The following FOXP2 variants were observed in gnomAD, a reference collection of about 807,000 sequenced individuals.
FOXP2 encodes forkhead box P2, also known as forkhead box protein P2.
FOXP2 carries 12 observed loss-of-function variants against 115.8 expected under a neutral mutation model. That is an observed-to-expected ratio of 0.10 (90% CI 0.07 to 0.17). The LOEUF (loss-of-function observed/expected upper bound fraction) is 0.17. FOXP2 is among the 10% of genes least tolerant of loss of function. The pLI is 1.00. For missense variants in FOXP2, 629 were observed against 843.5 expected, an observed-to-expected ratio of 0.75 and a Z score of 3.15; for synonymous variants, 328 against 297.7, an observed-to-expected ratio of 1.10 and a Z score of -1.05.
intron 1 of FOXP2, among the ~76,000 whole-genome samples, chr7:114,093,976 T>C (rs565332119): frequency 2.6e-5 from 4 of 152,236 alleles, no homozygotes; most frequent in Non-Finnish European, 4.4e-5. Context: ...TGTATGTAAA[T>C]ATTTCTAATG....
chr7:114,444,655 A>G (rs1794751663), intron 2 of FOXP2, among the ~76,000 whole-genome samples: 1 of 152,206 alleles, frequency 6.6e-6, no homozygotes, highest in Non-Finnish European at 1.5e-5. Flanking sequence ...AGCATGTATA[A>G]GTCCTAGACT....
chr7:114,532,995 C>G (rs1416850397), intron 2 of FOXP2, among the ~76,000 whole-genome samples: 2 of 151,860 alleles, frequency 1.3e-5, no homozygotes, highest in Non-Finnish European at 2.9e-5. Flanking sequence ...AAAGTAATTA[C>G]AGATTTTTTT....
chr7:114,349,453 C>G (rs2129185443), intron 2 of FOXP2, among the ~76,000 whole-genome samples: 1 of 152,018 alleles, frequency 6.6e-6, no homozygotes, highest in East Asian at 1.9e-4. Flanking sequence ...TATCCAGAGC[C>G]AGTATTTTAA....
intron 1 of FOXP2, among the ~76,000 whole-genome samples, chr7:114,272,110 T>C (rs922620102): frequency 1.4e-5 from 2 of 147,320 alleles, no homozygotes; most frequent in African/African-American, 5.0e-5. Flanking sequence ...GAATGGATGT[T>C]GGATTTTGTC....
chr7:114,118,065 G>A (rs1229727268), intron 1 of FOXP2, among the ~76,000 whole-genome samples: 1 of 152,078 alleles, frequency 6.6e-6, no homozygotes, highest in African/African-American at 2.4e-5. Flanking sequence ...ATGTTGAGGG[G>A]TCACATTAAG....
chr7:114,184,018 T>C (rs1462889788), intron 1 of FOXP2, among the ~76,000 whole-genome samples: 1 of 152,206 alleles, frequency 6.6e-6, no homozygotes, highest in Non-Finnish European at 1.5e-5. Context: ...AGTAAGAATT[T>C]CTTTATTTTT....
At chr7:114,336,744 G>A (rs564531742) in intron 2 of FOXP2, among the ~76,000 whole-genome samples, 5 of 151,508 alleles carry the variant, frequency 3.3e-5, no homozygotes, top group African/African-American at 1.2e-4. Context: ...CTGTACTGTA[G>A]AAGAGAAAAT....
At chr7:114,379,306 G>T (rs938583054) in intron 2 of FOXP2, among the ~76,000 whole-genome samples, 7 of 152,136 alleles carry the variant, frequency 4.6e-5, no homozygotes, top group Admixed American at 3.9e-4. Context: ...GATTGGTTGG[G>T]TGGGAGCTAA....
intron 2 of FOXP2, among the ~76,000 whole-genome samples, chr7:114,353,343 T>C (rs1162656790): frequency 1.4e-5 from 2 of 138,784 alleles, no homozygotes; most frequent in Admixed American, 1.4e-4. Context: ...TCTTTTTTTT[T>C]TTTTTTTTTT....
chr7:114,117,976 T>C (rs933288547), intron 1 of FOXP2, among the ~76,000 whole-genome samples: 2 of 152,098 alleles, frequency 1.3e-5, no homozygotes, highest in Non-Finnish European at 2.9e-5. Context: ...ACTCTTATGA[T>C]CGTATCTTAT....
intron 1 of FOXP2, among the ~76,000 whole-genome samples, chr7:114,209,805 C>T (rs1461238600): frequency 3.9e-5 from 6 of 152,106 alleles, no homozygotes; most frequent in Admixed American, 3.9e-4. Context: ...TTACATAATC[C>T]CATAGTTCTC....
chr7:114,089,769 A>G (rs1056553918), intron 1 of FOXP2, among the ~76,000 whole-genome samples: 19 of 152,020 alleles, frequency 1.2e-4, no homozygotes, highest in Non-Finnish European at 5.9e-5. Context: ...ATGTACAGGT[A>G]ATCTGTAATG....
intron 3 of FOXP2, among the ~76,000 whole-genome samples, chr7:114,554,012 A>C (rs1800335478): frequency 6.6e-6 from 1 of 152,078 alleles, no homozygotes; most frequent in Non-Finnish European, 1.5e-5. Flanking sequence ...CATATTACTT[A>C]AAAACCTCTA....
At chr7:114,163,389 A>G (rs1401044398) in intron 1 of FOXP2, among the ~76,000 whole-genome samples, 1 of 151,948 alleles carries the variant, frequency 6.6e-6, no homozygotes, top group Non-Finnish European at 1.5e-5. Flanking sequence ...TTGATATAGT[A>G]TCTGCAGTTT....
At chr7:114,125,334 A>C (rs914103684) in intron 1 of FOXP2, among the ~76,000 whole-genome samples, 1 of 152,144 alleles carries the variant, frequency 6.6e-6, no homozygotes, top group Non-Finnish European at 1.5e-5. Context: ...AAAAGGACGT[A>C]GTTTTTCCTA....
chr7:114,410,693 T>C (rs1364532760), upstream of FOXP2, among the ~76,000 whole-genome samples: 1 of 152,026 alleles, frequency 6.6e-6, no homozygotes, highest in Non-Finnish European at 1.5e-5. Flanking sequence ...CAATAAACAG[T>C]ATGTGTTTCC....
At chr7:114,594,290 C>A (rs1802587933) in intron 3 of FOXP2, among the ~76,000 whole-genome samples, 3 of 152,112 alleles carry the variant, frequency 2.0e-5, no homozygotes, top group Admixed American at 6.6e-5. Flanking sequence ...TCCTGTGGGG[C>A]TAATGAGAGG....
chr7:114,387,917 C>T (rs1792492412), intron 2 of FOXP2, among the ~76,000 whole-genome samples: 1 of 152,088 alleles, frequency 6.6e-6, no homozygotes, highest in Non-Finnish European at 1.5e-5. Context: ...TTTAGAAAGA[C>T]CTATTGCAAT....
intron 2 of FOXP2, among the ~76,000 whole-genome samples, chr7:114,520,224 T>A (rs919068182): frequency 6.6e-6 from 1 of 152,144 alleles, no homozygotes. Context: ...AATATAGTCA[T>A]CCTTTTAAAT....
Sources: gnomAD v4.1 joint callset for allele counts (sites outside exome capture counted in the v4.1 genomes callset) on GRCh38, gnomAD v4.1.1 for gene constraint, MANE v1.5 for transcripts, NCBI Gene and HGNC (gene_info 2026-07-23, HGNC 2026-07-21) for gene names.